Variants in BCR observed in about 807,000 individuals in gnomAD.
BCR encodes breakpoint cluster region protein.
A neutral mutation model predicts 138.6 loss-of-function variants in BCR; 58 were observed. The ratio of observed to expected loss-of-function variants is 0.42; its 90% confidence interval spans 0.34 to 0.52. The LOEUF is 0.52. BCR is among the 20% of genes least tolerant of loss of function. The pLI is 0.06. For synonymous variants in BCR, 786 were observed against 730.1 expected, an observed-to-expected ratio of 1.08 and a Z score of -1.23; for missense variants, 1,599 against 1,727.2, an observed-to-expected ratio of 0.93 and a Z score of 1.32.
chr22:23,284,722 C>G (rs1235757518), intron 9 of BCR, among the ~76,000 whole-genome samples: 1 of 152,202 alleles, frequency 6.6e-6, no homozygotes, highest in Admixed American at 6.5e-5. Context: ...GATTTCAGTC[C>G]TGTCCTGTCA....
At chr22:23,191,788 C>A (rs936785112) in intron 1 of BCR, among the ~76,000 whole-genome samples, 56 of 152,316 alleles carry the variant, frequency 3.7e-4, no homozygotes, top group African/African-American at 1.3e-3. Context: ...TCTGGCCCAA[C>A]CCCGCTTAAT....
At chr22:23,305,851 G>C (rs1017680711) in intron 16 of BCR, among the ~76,000 whole-genome samples, 28 of 152,126 alleles carry the variant, frequency 1.8e-4, no homozygotes, top group African/African-American at 6.0e-4. Flanking sequence ...CAACCCAGGG[G>C]GACCCTGGAC....
intron 1 of BCR, among the ~76,000 whole-genome samples, chr22:23,243,768 G>T (rs547868841): frequency 6.6e-6 from 1 of 151,490 alleles, no homozygotes; most frequent in African/African-American, 2.4e-5. Flanking sequence ...TTAGCCTCCC[G>T]AGTAGCTGGG....
rs751211411 is a variant in BCR, at chr22:23,287,209, G to A, written c.2457G>A (p.Ser819=). The A allele has an allele frequency of 1.5e-5, 23 of 1,567,958 alleles. 1 individual carries two copies. Among genetic ancestry groups the A allele is most frequent in the South Asian group, 8.2e-5 (7 of 85,122 alleles). ...CGGAGAGGCTGAAGAAGAAGCTGTC[G>A]GAGCAGGAGTCACTGCTGCTGCTTA... ...KATERLKKKL[S]EQESLLLLMS... Residue 819 remains serine, a synonymous_variant, in exon 11 of 23, where the codon TCG becomes TCA. Transcript: ENST00000305877.
chr22:23,205,233 C>T (rs1943019520), intron 1 of BCR, among the ~76,000 whole-genome samples: 1 of 152,178 alleles, frequency 6.6e-6, no homozygotes, highest in African/African-American at 2.4e-5. Flanking sequence ...GCTGGTCAGT[C>T]TGGAGGGCAT....
chr22:23,257,903 T>C (rs1312837904), intron 2 of BCR, among the ~76,000 whole-genome samples: 2 of 152,216 alleles, frequency 1.3e-5, no homozygotes, highest in East Asian at 1.9e-4. Context: ...ACCAGGTGTT[T>C]AAGATCCACT....
At chr22:23,314,268 ACTGTGGCCTTAAAAAAGAGCTCAGAG>A (rs2074042017) in intron 21 of BCR, among the ~76,000 whole-genome samples, 195 bp downstream of exon 21, 1 of 152,082 alleles carries the variant, frequency 6.6e-6, no homozygotes, top group Non-Finnish European at 1.5e-5. Context: ...CTCTCTCTGC[ACTGTGGCCTTAAAAAAGAGCTCAGAG>A]CTTTGGCCGT....
chr22:23,241,076 T>C (rs1291181577), intron 1 of BCR, among the ~76,000 whole-genome samples: 1 of 152,234 alleles, frequency 6.6e-6, no homozygotes, highest in East Asian at 1.9e-4. Context: ...TTTCCACTCA[T>C]GCATTGATGG....
intron 20 of BCR, among the ~76,000 whole-genome samples, chr22:23,313,407 G>A (rs1399269131): frequency 6.6e-6 from 1 of 152,248 alleles, no homozygotes; most frequent in Non-Finnish European, 1.5e-5. Context: ...CAACCTGGAG[G>A]CTGATGTCTA....
At chr22:23,215,346 C>T (rs116358227) in intron 1 of BCR, among the ~76,000 whole-genome samples, 1 of 152,242 alleles carries the variant, frequency 6.6e-6, no homozygotes, top group African/African-American at 2.4e-5. Flanking sequence ...GCACATGTGC[C>T]CCAGGTACCA....
intron 5 of BCR, among the ~76,000 whole-genome samples, chr22:23,268,853 T>G (rs1018703441): frequency 1.3e-5 from 2 of 152,226 alleles, no homozygotes; most frequent in South Asian, 4.1e-4. Flanking sequence ...AGGCTGACTT[T>G]GTACCTGGCA....
At chr22:23,285,978 T>C (rs904683498) in intron 10 of BCR, among the ~76,000 whole-genome samples, 3 of 152,206 alleles carry the variant, frequency 2.0e-5, no homozygotes, top group Admixed American at 6.5e-5. Flanking sequence ...GGCCACAGGC[T>C]TGAGCTGTTC....
At position 23,291,406 on chromosome 22, in the gene BCR, C is replaced by G. The variant is rs564293473; in HGVS notation, c.2782+993C>G. 2.0e-5 allele frequency among the ~76,000 whole-genome samples: 3 copies of G among 151,944 alleles called. No homozygotes were observed. In the East Asian group the frequency reaches 5.8e-4, roughly 29 times the overall value. ...TACATTTCCTAAAATTCTTTAAACC[C>G]TACACTTGGAATGGATGAATTACAT... On this transcript the variant is annotated intron_variant, in intron 14 of 22. Coordinates refer to ENST00000305877, the MANE Select transcript of BCR (RefSeq NM_004327.4).
chr22:23,269,913 CGTG>C (rs762854658), intron 5 of BCR, among the ~76,000 whole-genome samples: 4 of 152,146 alleles, frequency 2.6e-5, no homozygotes, highest in Non-Finnish European at 5.9e-5. Flanking sequence ...CTGGGGATCA[CGTG>C]GTGCCACCAA....
intron 1 of BCR, among the ~76,000 whole-genome samples, chr22:23,246,348 C>T (rs537093357): frequency 2.0e-5 from 3 of 152,290 alleles, no homozygotes; most frequent in South Asian, 4.2e-4. Flanking sequence ...CAGGAGATCA[C>T]GTGAGCCCAG....
At chr22:23,239,700 G>A (rs550321746) in intron 1 of BCR, among the ~76,000 whole-genome samples, 15 of 152,316 alleles carry the variant, frequency 9.8e-5, no homozygotes, top group South Asian at 4.1e-4. Flanking sequence ...CAGTTCTGAC[G>A]ACTGGAAATA....
chr22:23,182,049 C>G lies in BCR; in HGVS notation c.1089C>G (p.Phe363Leu). The G allele has an allele frequency of 6.2e-7, 1 of 1,613,736 alleles. No homozygotes were observed. Among genetic ancestry groups the G allele is most frequent in the Non-Finnish European group, 8.5e-7 (1 of 1,179,980 alleles). Reference sequence around the variant, plus strand: ...CAAGCCCCACCACCTACCGCATGTTCCGGGACAAAAGCCGCTCTCCCTCGC... The same window carrying G: ...CAAGCCCCACCACCTACCGCATGTTGCGGGACAAAAGCCGCTCTCCCTCGC... Reference protein sequence around the residue: ...VSPSPTTYRMFRDKSRSPSQN... With the variant: ...VSPSPTTYRMLRDKSRSPSQN... The change falls in exon 1 of 23, where the codon TTC (phenylalanine) becomes TTG (leucine). Residue 363 changes from phenylalanine (F) to leucine (L), a missense_variant. Phe to Leu is a conservative substitution (Grantham distance 22). Transcript: ENST00000305877.
chr22:23,275,039 A>G (rs1483579704), intron 8 of BCR, among the ~76,000 whole-genome samples: 1 of 151,772 alleles, frequency 6.6e-6, no homozygotes, highest in African/African-American at 2.4e-5. Flanking sequence ...TGCCCAACAC[A>G]TGGGGCTTGC....
At chr22:23,287,301 C>T (rs1378389928) in intron 11 of BCR, 23 bp downstream of exon 11, 1 of 1,514,758 alleles carries the variant, frequency 6.6e-7, no homozygotes, top group Admixed American at 2.1e-5. Context: ...TGTTCCGGCC[C>T]CTCCTGCTCT....
Sources: gnomAD v4.1 joint callset for allele counts (sites outside exome capture counted in the v4.1 genomes callset) on GRCh38, gnomAD v4.1.1 for gene constraint, MANE v1.5 for transcripts, NCBI Gene and HGNC (gene_info 2026-07-23, HGNC 2026-07-21) for gene names.